CNTNAP2: variants seen among roughly 807,000 people sequenced by gnomAD.
CNTNAP2 encodes contactin-associated protein-like 2.
CNTNAP2 carries 98 observed loss-of-function variants against 155.2 expected under a neutral mutation model. The observed-to-expected ratio is 0.63, with a 90% CI of 0.54 to 0.75. CNTNAP2 has a LOEUF of 0.75. Among genes scored for constraint, CNTNAP2 ranks in the 30% least tolerant of loss-of-function variants. The pLI, the probability that CNTNAP2 is intolerant of heterozygous loss-of-function variation, is 0.00. For missense variants in CNTNAP2, 1,727 were observed against 1,688.1 expected (o/e 1.02, Z -0.40); for synonymous variants, 651 against 631.2 (o/e 1.03, Z -0.47).
intron 1 of CNTNAP2, among the ~76,000 whole-genome samples, chr7:146,630,105 G>A (rs747939972): frequency 6.6e-6 from 1 of 151,800 alleles, no homozygotes; most frequent in East Asian, 1.9e-4. Flanking sequence ...TGTGCATTAG[G>A]TATTTGTCCT....
intron 2 of CNTNAP2, among the ~76,000 whole-genome samples, chr7:146,798,467 G>A (rs1802810997): frequency 6.6e-6 from 1 of 151,908 alleles, no homozygotes; most frequent in Admixed American, 6.6e-5. Context: ...TCAGCCTCCT[G>A]GGTAGCTGGG....
chr7:148,051,097 T>G (rs1354702163), intron 15 of CNTNAP2, among the ~76,000 whole-genome samples: 2 of 152,212 alleles, frequency 1.3e-5, no homozygotes, highest in Non-Finnish European at 2.9e-5. Context: ...TTTTTCAGTG[T>G]AGCTTGTTTT....
At chr7:146,349,359 A>C (rs1027762215) in intron 1 of CNTNAP2, among the ~76,000 whole-genome samples, 24 of 152,198 alleles carry the variant, frequency 1.6e-4, no homozygotes, top group African/African-American at 5.5e-4. Context: ...TTTCACCCGG[A>C]ACATAGTAGC....
Position 146,839,880 on chromosome 7 carries a change from C to G in CNTNAP2, c.378C>G (p.Pro126=). The change falls in exon 3 of 24, where the codon CCC becomes CCG. Residue 126 remains proline, a synonymous_variant. Transcript: ENST00000361727. ...LYSDTGRNWK[P]YHQDGNIWAF... ...GCGACACAGGGAGAAACTGGAAACC[C>G]TATCATCAAGATGGGAATATCTGGG... The G allele has an allele frequency of 6.2e-7, 1 of 1,614,118 alleles. No homozygotes were observed. Among genetic ancestry groups the G allele is most frequent in the South Asian group, 1.1e-5 (1 of 91,074 alleles).
At chr7:146,156,039 T>G (rs1273417080) in intron 1 of CNTNAP2, among the ~76,000 whole-genome samples, 3 of 152,136 alleles carry the variant, frequency 2.0e-5, no homozygotes, top group Non-Finnish European at 4.4e-5. Context: ...AAAATTCCTG[T>G]TTTTTTATAT....
rs112172074 is a variant in CNTNAP2 at position 147,455,088 on chromosome 7, T to A, written c.1671-30847T>A. Among the ~76,000 whole-genome samples, 360 of 152,272 alleles carry A rather than the reference T, an allele frequency of 2.4e-3. 1 individual carries two copies. Among genetic ancestry groups the A allele is most frequent in the African/African-American group, 8.3e-3 (347 of 41,576 alleles). On this transcript the variant is annotated intron_variant, in intron 10 of 23. Transcript: ENST00000361727. ...ATGCTTCCCCGTCTTCAACTTTGAC[T>A]TTCTGATCACCCATTTCATTAATAC... is the stretch of plus-strand genomic sequence containing the variant.
At chr7:146,461,391 C>G (rs1008307301) in intron 1 of CNTNAP2, among the ~76,000 whole-genome samples, 13 of 143,836 alleles carry the variant, frequency 9.0e-5, no homozygotes, top group Non-Finnish European at 1.5e-4. Context: ...GGCAAAAGAG[C>G]AAGACTCCGT....
chr7:146,928,160 C>T (rs998738030), intron 3 of CNTNAP2, among the ~76,000 whole-genome samples: 6 of 151,714 alleles, frequency 4.0e-5, no homozygotes, highest in Non-Finnish European at 8.8e-5. Flanking sequence ...AAACAATGAC[C>T]AGTGTAAAAA....
At chr7:146,941,077 C>G (rs910707526) in intron 3 of CNTNAP2, among the ~76,000 whole-genome samples, 2 of 151,882 alleles carry the variant, frequency 1.3e-5, no homozygotes, top group African/African-American at 4.8e-5. Context: ...CACTTCTTAT[C>G]TTTTGGTTGG....
chr7:148,274,496 C>A (rs978269095), intron 21 of CNTNAP2, among the ~76,000 whole-genome samples: 13 of 152,198 alleles, frequency 8.5e-5, no homozygotes, highest in Non-Finnish European at 1.5e-4. Context: ...GTGGAAGCCT[C>A]ATGAATGGCT....
intron 13 of CNTNAP2, among the ~76,000 whole-genome samples, chr7:147,685,011 CATAAG>C (rs1795996729): frequency 6.6e-6 from 1 of 151,802 alleles, no homozygotes; most frequent in Non-Finnish European, 1.5e-5. Context: ...ATATTGTTGA[CATAAG>C]AGAATCTGAA....
chr7:146,779,710 G>A (rs1051126735), intron 2 of CNTNAP2, among the ~76,000 whole-genome samples: 1 of 152,084 alleles, frequency 6.6e-6, no homozygotes, highest in Non-Finnish European at 1.5e-5. Flanking sequence ...TTCCTCCTAT[G>A]TATTTTCCCT....
At chr7:147,116,838 T>C (rs978433013) in intron 5 of CNTNAP2, among the ~76,000 whole-genome samples, 1 of 152,020 alleles carries the variant, frequency 6.6e-6, no homozygotes, top group Admixed American at 6.5e-5. Flanking sequence ...AGAAGCAGTC[T>C]GGCCATGATC....
At chr7:147,945,868 C>CTTTTTTTT (rs34305612) in intron 14 of CNTNAP2, among the ~76,000 whole-genome samples, 14 of 123,362 alleles carry the variant, frequency 1.1e-4, no homozygotes, top group South Asian at 2.7e-4. Flanking sequence ...TTTTCTTTTT[C>CTTTTTTTT]TTTTTTTTTT....
chr7:146,615,743 G>A (rs1296687335), intron 1 of CNTNAP2, among the ~76,000 whole-genome samples: 1 of 152,184 alleles, frequency 6.6e-6, no homozygotes, highest in African/African-American at 2.4e-5. Context: ...CAATATCCTA[G>A]TTCCTTTGTT....
At chr7:147,970,260 T>C (rs1444082240) in intron 14 of CNTNAP2, among the ~76,000 whole-genome samples, 1 of 152,182 alleles carries the variant, frequency 6.6e-6, no homozygotes, top group East Asian at 1.9e-4. Context: ...CCAAAGATTA[T>C]TTAATAGAAA....
In CNTNAP2 at chr7:148,062,489, C is replaced by T. The variant is rs375072504; in HGVS notation, c.2384-55629C>T. ...TTTCAGAACTGATCATTTAGGCACA[C>T]GACAATAAGTAAAAATAGAGGTTTC... On this transcript the variant is annotated intron_variant, in intron 15 of 23. Transcript: ENST00000361727. 1.4e-3 allele frequency among the ~76,000 whole-genome samples: 209 copies of T among 151,976 alleles called. 3 individuals carry two copies. Among genetic ancestry groups the T allele is most frequent in the South Asian group, 9.6e-3 (46 of 4,808 alleles).
At chr7:147,456,273 A>G (rs746309412) in intron 10 of CNTNAP2, among the ~76,000 whole-genome samples, 2 of 152,152 alleles carry the variant, frequency 1.3e-5, no homozygotes, top group Non-Finnish European at 2.9e-5. Context: ...TTAGAGGCCT[A>G]CAACTTGGGG....
chr7:147,184,323 T>C (rs1360277624), intron 8 of CNTNAP2, among the ~76,000 whole-genome samples: 1 of 152,178 alleles, frequency 6.6e-6, no homozygotes, highest in Non-Finnish European at 1.5e-5. Flanking sequence ...GTCTTTACCA[T>C]TTAAGTCGTT....
Sources: gnomAD v4.1 joint callset for allele counts (sites outside exome capture counted in the v4.1 genomes callset) on GRCh38, gnomAD v4.1.1 for gene constraint, MANE v1.5 for transcripts, NCBI Gene and HGNC (gene_info 2026-07-23, HGNC 2026-07-21) for gene names.